The following LRGUK variants were observed in gnomAD, a reference collection of about 807,000 sequenced individuals.
LRGUK encodes the protein leucine rich repeats and guanylate kinase domain containing, also known as leucine-rich repeat and guanylate kinase domain-containing protein.
A neutral mutation model predicts 76.0 loss-of-function variants in LRGUK; 65 were observed. The ratio of observed to expected loss-of-function variants is 0.85; its 90% CI spans 0.70 to 1.05. The LOEUF is 1.05. Ranked by LOEUF, LRGUK falls within the 50% of genes least tolerant of loss-of-function variation. The pLI, the probability that LRGUK is intolerant of heterozygous loss-of-function variation, is 0.00. For synonymous variants in LRGUK, 268 were observed against 265.6 expected (o/e 1.01, Z -0.09); for missense variants, 758 against 732.8 (o/e 1.03, Z -0.40).
At chr7:134,260,579 G>T (rs570858328) in intron 19 of LRGUK, among the ~76,000 whole-genome samples, 22 of 152,296 alleles carry the variant, frequency 1.4e-4, no homozygotes, top group African/African-American at 5.1e-4. Context: ...CCTTTCCTGG[G>T]TATGCATTTT....
At chr7:134,223,335 A>G (rs1444592812) in intron 16 of LRGUK, among the ~76,000 whole-genome samples, 8 of 152,334 alleles carry the variant, frequency 5.3e-5, no homozygotes, top group Admixed American at 4.6e-4. Context: ...TTTTCAAGCC[A>G]TGCTGTGGTG....
intron 15 of LRGUK, among the ~76,000 whole-genome samples, chr7:134,218,424 A>T (rs1267942697): frequency 2.0e-5 from 3 of 151,460 alleles, no homozygotes; most frequent in Admixed American, 6.6e-5. Flanking sequence ...GCTCATTTTG[A>T]AAAGTAATCA....
At chr7:134,231,690 C>A (rs1445213953) in intron 16 of LRGUK, among the ~76,000 whole-genome samples, 1 of 126,612 alleles carries the variant, frequency 7.9e-6, no homozygotes, top group Non-Finnish European at 1.6e-5. Context: ...CTCCGTCCCT[C>A]CCTTCCTCCC....
intron 10 of LRGUK, among the ~76,000 whole-genome samples, chr7:134,181,789 T>C (rs529026822): frequency 6.6e-6 from 1 of 152,336 alleles, no homozygotes; most frequent in East Asian, 1.9e-4. Flanking sequence ...TGCATAGCTA[T>C]AGCAGAACAT....
At chr7:134,213,632 G>A (rs572047041), downstream of LRGUK, among the ~76,000 whole-genome samples, 2 of 152,236 alleles carry the variant, frequency 1.3e-5, no homozygotes, top group Admixed American at 1.3e-4. Context: ...GGGTACAAAA[G>A]GGAAGCGATA....
chr7:134,182,751 TATTATG>T (rs1263355437), intron 10 of LRGUK, among the ~76,000 whole-genome samples: 3 of 151,878 alleles, frequency 2.0e-5, no homozygotes, highest in Admixed American at 6.6e-5. Context: ...GAGATTTTAT[TATTATG>T]ATGATGATGA....
chr7:134,148,288 G>T (rs144875734), exon 5 of LRGUK: 1 of 1,601,788 alleles, frequency 6.2e-7, no homozygotes, highest in South Asian at 1.1e-5. Context: ...ATTTGTCAGC[G>T]TATCATGCTC....
intron 1 of LRGUK, among the ~76,000 whole-genome samples, chr7:134,135,435 C>G (rs1020301192): frequency 6.6e-6 from 1 of 152,178 alleles, no homozygotes; most frequent in Non-Finnish European, 1.5e-5. Flanking sequence ...CAGAAAGAGC[C>G]TTTCCCTGTG....
At chr7:134,163,635 G>A in intron 7 of LRGUK, 95 bp downstream of exon 7, 5 of 1,110,494 alleles carry the variant, frequency 4.5e-6, no homozygotes, top group East Asian at 2.5e-5. Flanking sequence ...TTTCTTAAGG[G>A]CGGACACATT....
chr7:134,203,749 T>A (rs1487402660), intron 15 of LRGUK, among the ~76,000 whole-genome samples: 1 of 152,182 alleles, frequency 6.6e-6, no homozygotes, highest in African/African-American at 2.4e-5. Flanking sequence ...TCAGTGTATG[T>A]ATCCAGCCCT....
chr7:134,234,188 G>A (rs1016080340), intron 16 of LRGUK, among the ~76,000 whole-genome samples: 2 of 152,094 alleles, frequency 1.3e-5, no homozygotes, highest in Non-Finnish European at 1.5e-5. Context: ...CTGTTCTTCT[G>A]CTCTTCATGA....
chr7:134,264,524 A>C (rs1384795442), exon 20 of LRGUK: 1 of 152,202 alleles, frequency 6.6e-6, no homozygotes, highest in Non-Finnish European at 1.5e-5. Context: ...AAAAGGAATT[A>C]ATGTAATTTT....
At chr7:134,240,508 G>A (rs1236339966) in intron 16 of LRGUK, among the ~76,000 whole-genome samples, 1 of 152,156 alleles carries the variant, frequency 6.6e-6, no homozygotes, top group Non-Finnish European at 1.5e-5. Context: ...AGAGAAAAAA[G>A]AGTAAAAAGA....
At position 134,128,895 on chromosome 7, in the gene LRGUK, G is replaced by T. The variant is rs149511557; in HGVS notation, c.297+1231G>T. On this transcript the variant is annotated intron_variant, in intron 1 of 15. Transcript: ENST00000645682. ...AATACACTGTTAGGTTCTTCTCTTT[G>T]TCTTGGCTGCCAGGAAACTTAGATT... 6.7e-3 allele frequency among the ~76,000 whole-genome samples: 1,027 copies of T among 152,194 alleles called. 16 individuals are homozygous for T. Among genetic ancestry groups the T allele is most frequent in the African/African-American group, 0.019 (770 of 41,536 alleles).
chr7:134,234,599 T>C (rs2117180713), intron 16 of LRGUK, among the ~76,000 whole-genome samples: 2 of 152,332 alleles, frequency 1.3e-5, no homozygotes, highest in Middle Eastern at 6.8e-3. Context: ...AAATTTGTTC[T>C]TCTAAGAATA....
intron 16 of LRGUK, among the ~76,000 whole-genome samples, chr7:134,237,110 A>G (rs1334334977): frequency 7.7e-6 from 1 of 129,546 alleles, no homozygotes; most frequent in Non-Finnish European, 1.5e-5. Context: ...GCTGGAGTGC[A>G]GTGGCACGAT....
chr7:134,179,542 G>T (rs1006230867), intron 10 of LRGUK, among the ~76,000 whole-genome samples: 2 of 152,124 alleles, frequency 1.3e-5, no homozygotes, highest in African/African-American at 4.8e-5. Flanking sequence ...CCCTCTAGGT[G>T]AAATGAATTA....
intron 1 of LRGUK, among the ~76,000 whole-genome samples, chr7:134,129,297 CTT>C (rs1420128232): frequency 1.6e-5 from 2 of 127,180 alleles, no homozygotes; most frequent in Non-Finnish European, 3.4e-5. Context: ...CTCTGTCTCT[CTT>C]TCTTTCTTTC....
In LRGUK at chr7:134,249,065, T is replaced by A; in HGVS notation, c.2187T>A (p.Tyr729Ter). Reference sequence around the variant, plus strand: ...ATTTTAAACCTCCATTTGGACCATATCCTGAAAAGAGGTGAGTTGAGGTGT... The same window carrying A: ...ATTTTAAACCTCCATTTGGACCATAACCTGAAAAGAGGTGAGTTGAGGTGT... Residue 729 changes from tyrosine (Y) to a stop codon, truncating the protein, a stop_gained, in exon 18 of 20, where the codon TAT (tyrosine) becomes TAA (stop). Transcript: ENST00000285928. LOFTEE classifies it high-confidence loss of function. 6.4e-7 allele frequency: 1 copy of A among 1,572,398 alleles called. No homozygotes were observed. The highest frequency in any genetic ancestry group is 8.6e-7 in the Non-Finnish European group (1 of 1,161,260).
Sources: gnomAD v4.1 joint callset for allele counts (sites outside exome capture counted in the v4.1 genomes callset) on GRCh38, gnomAD v4.1.1 for gene constraint, MANE v1.5 for transcripts, NCBI Gene and HGNC (gene_info 2026-07-23, HGNC 2026-07-21) for gene names.